The following ZBTB7C variants were observed in gnomAD, a reference collection of about 807,000 sequenced individuals.
The protein encoded by ZBTB7C is zinc finger and BTB domain containing 7C, also known as zinc finger and BTB domain-containing protein 7C.
A neutral mutation model predicts 25.7 loss-of-function variants in ZBTB7C; 8 were observed. The ratio of observed to expected loss-of-function variants is 0.31; its 90% CI spans 0.18 to 0.56. ZBTB7C has a LOEUF of 0.56. Among genes scored for constraint, ZBTB7C ranks in the 20% least tolerant of loss-of-function variants. ZBTB7C has a pLI of 0.91. For missense variants in ZBTB7C, 824 were observed against 855.2 expected (o/e 0.96, Z 0.46); for synonymous variants, 394 against 369.0 (o/e 1.07, Z -0.78).
intron 1 of ZBTB7C, among the ~76,000 whole-genome samples, chr18:48,349,114 T>C (rs551529032): frequency 2.0e-4 from 30 of 152,322 alleles, no homozygotes; most frequent in Admixed American, 1.2e-3. Flanking sequence ...TGGTGCTGGC[T>C]GGCTGGTGGC....
intron 3 of ZBTB7C, among the ~76,000 whole-genome samples, chr18:48,048,327 G>A (rs2036553272): frequency 6.6e-6 from 1 of 152,178 alleles, no homozygotes; most frequent in Non-Finnish European, 1.5e-5. Flanking sequence ...AATCCGGAAT[G>A]GATCTGGAGA....
At chr18:48,398,587 G>A (rs1269743039) in intron 1 of ZBTB7C, among the ~76,000 whole-genome samples, 2 of 152,110 alleles carry the variant, frequency 1.3e-5, no homozygotes, top group Admixed American at 6.5e-5. Flanking sequence ...GGCTATGCCC[G>A]ATGCTGCCTT....
chr18:48,112,159 C>T (rs1193086039), intron 3 of ZBTB7C, among the ~76,000 whole-genome samples: 1 of 151,802 alleles, frequency 6.6e-6, no homozygotes, highest in Non-Finnish European at 1.5e-5. Context: ...ACAGAATGAT[C>T]CCAATTTGTT....
intron 2 of ZBTB7C, among the ~76,000 whole-genome samples, chr18:48,227,299 C>T (rs1014881818): frequency 6.6e-5 from 10 of 152,204 alleles, no homozygotes; most frequent in Admixed American, 5.9e-4. Context: ...CACATGTGTA[C>T]GGCCTGGCAG....
At chr18:48,382,948 A>G (rs181842615) in intron 1 of ZBTB7C, among the ~76,000 whole-genome samples, 28 of 152,364 alleles carry the variant, frequency 1.8e-4, no homozygotes, top group African/African-American at 6.7e-4. Flanking sequence ...GACAGGCAAC[A>G]TAAACATTTT....
At chr18:48,206,821 A>C (rs1184681446) in intron 2 of ZBTB7C, among the ~76,000 whole-genome samples, 1 of 152,226 alleles carries the variant, frequency 6.6e-6, no homozygotes, top group Non-Finnish European at 1.5e-5. Flanking sequence ...TTCGTTAAAC[A>C]GGACAGAAAA....
At chr18:48,336,763 C>T (rs1334693624) in intron 2 of ZBTB7C, among the ~76,000 whole-genome samples, 3 of 152,218 alleles carry the variant, frequency 2.0e-5, no homozygotes, top group Middle Eastern at 3.4e-3. Context: ...ATTTTCTGCC[C>T]CTACCCAGTC....
intron 2 of ZBTB7C, among the ~76,000 whole-genome samples, chr18:48,269,901 C>T (rs1317818960): frequency 6.6e-6 from 1 of 152,054 alleles, no homozygotes; most frequent in African/African-American, 2.4e-5. Flanking sequence ...ATTAAAATAA[C>T]CTAGTAAATG....
intron 1 of ZBTB7C, among the ~76,000 whole-genome samples, chr18:48,364,522 G>T (rs1463161599): frequency 6.6e-6 from 1 of 152,196 alleles, no homozygotes; most frequent in Non-Finnish European, 1.5e-5. Context: ...AAATCCCAGA[G>T]ACACTGAAGA....
chr18:48,180,031 C>T (rs1018080286), intron 3 of ZBTB7C, among the ~76,000 whole-genome samples: 3 of 146,078 alleles, frequency 2.1e-5, no homozygotes, highest in Non-Finnish European at 3.0e-5. Context: ...TTCCTTCCTT[C>T]CTTCCCTGCT....
chr18:48,200,914 T>A (rs2042429559), intron 2 of ZBTB7C, among the ~76,000 whole-genome samples: 1 of 152,164 alleles, frequency 6.6e-6, no homozygotes, highest in Non-Finnish European at 1.5e-5. Flanking sequence ...GGGGAGAAGC[T>A]GAGGTGTGTG....
chr18:48,203,908 G>T (rs1264601021), intron 2 of ZBTB7C, among the ~76,000 whole-genome samples: 2 of 152,150 alleles, frequency 1.3e-5, no homozygotes, highest in East Asian at 3.9e-4. Context: ...TCTGAAGAGG[G>T]GGTGTCTCCT....
chr18:48,305,792 G>A (rs897046387), intron 2 of ZBTB7C, among the ~76,000 whole-genome samples: 1 of 152,134 alleles, frequency 6.6e-6, no homozygotes, highest in African/African-American at 2.4e-5. Flanking sequence ...GAGGCTCAGG[G>A]AGCTCAAGTC....
At chr18:48,274,872 T>G (rs115373231) in intron 2 of ZBTB7C, among the ~76,000 whole-genome samples, 4,769 of 152,270 alleles carry the variant, frequency 0.031, 255 homozygotes, top group African/African-American at 0.11. Context: ...AATGAGCACC[T>G]GCTCTTGGCC....
rs2046706176 is a variant in ZBTB7C, at chr18:48,345,474, G to C, written c.-303-7076C>G. Among the ~76,000 whole-genome samples, 4 of 152,076 alleles carry C rather than the reference G, an allele frequency of 2.6e-5. No homozygotes were observed. In the South Asian group the frequency reaches 8.3e-4, roughly 32 times the overall value. ...ACTTAGGAATTGGGCATGTTCACCC[G>C]ACTCCCAAATGCCCAACCCCCAAGG... is the stretch of plus-strand genomic sequence containing the variant. On this transcript the variant is annotated intron_variant, in intron 1 of 4. Transcript: ENST00000590800.
chr18:48,367,957 T>G (rs1598971671), intron 1 of ZBTB7C, among the ~76,000 whole-genome samples: 1 of 137,906 alleles, frequency 7.3e-6, no homozygotes, highest in South Asian at 2.3e-4. Flanking sequence ...CCCCCAGCCC[T>G]CCACTGGAGG....
chr18:48,232,021 G>A (rs62088923), intron 2 of ZBTB7C, among the ~76,000 whole-genome samples: 7,756 of 152,248 alleles, frequency 0.051, 273 homozygotes, highest in Non-Finnish European at 0.076. Flanking sequence ...CATACCCCTC[G>A]CTGCTCCACA....
chr18:48,193,256 C>T (rs2042239892), intron 2 of ZBTB7C, among the ~76,000 whole-genome samples: 1 of 152,158 alleles, frequency 6.6e-6, no homozygotes, highest in African/African-American at 2.4e-5. Context: ...ACTCTTAATT[C>T]ACTCTTTCTG....
intron 1 of ZBTB7C, among the ~76,000 whole-genome samples, chr18:48,384,322 T>C (rs2047698260): frequency 6.6e-6 from 1 of 152,224 alleles, no homozygotes; most frequent in Non-Finnish European, 1.5e-5. Flanking sequence ...TCCGCACTCA[T>C]ACCTAGGAGC....
Sources: allele counts gnomAD v4.1 joint callset (sites outside exome capture counted in the v4.1 genomes callset), GRCh38; gene constraint gnomAD v4.1.1; transcripts MANE v1.5; gene names NCBI Gene and HGNC (gene_info 2026-07-23, HGNC 2026-07-21).